The following MROH7 variants were observed in gnomAD, a reference collection of about 807,000 sequenced individuals.
MROH7 encodes the protein maestro heat like repeat family member 7, also known as maestro heat-like repeat-containing protein family member 7.
In MROH7, 113 loss-of-function variants were observed where a neutral mutation model predicts 129.2. The ratio of observed to expected loss-of-function variants is 0.87; its 90% CI spans 0.75 to 1.02. The LOEUF (loss-of-function observed/expected upper bound fraction) is 1.02. Among genes scored for constraint, MROH7 ranks in the 50% least tolerant of loss-of-function variants. MROH7 has a pLI of 0.00. For missense variants in MROH7, 1,601 were observed against 1,671.3 expected (o/e 0.96, Z 0.73); for synonymous variants, 655 against 667.9 (o/e 0.98, Z 0.30).
chr1:54,652,060 C>T (rs1170815132), intron 2 of MROH7, 77 bp downstream of exon 2: 2 of 152,514 alleles, frequency 1.3e-5, no homozygotes, highest in African/African-American at 4.8e-5. Flanking sequence ...CTGGGGAGTT[C>T]ATCCAGCAGT....
intron 22 of MROH7, among the ~76,000 whole-genome samples, chr1:54,707,605 T>G (rs543304461): frequency 1.1e-3 from 168 of 152,270 alleles, no homozygotes; most frequent in African/African-American, 3.8e-3. Flanking sequence ...GACATCTACT[T>G]CCTACGTGCT....
Position 54,701,222 on chromosome 1 carries a change from T to C in MROH7, c.3185T>C (p.Val1062Ala), listed in dbSNP as rs755736946. Residue 1062 changes from valine to alanine, a missense_variant, in exon 19 of 24, where the codon GTC (valine) becomes GCC (alanine). Physicochemically the swap from Val to Ala is moderately conservative, Grantham distance 64. Coordinates refer to ENST00000421030, the MANE Select transcript of MROH7 (RefSeq NM_001039464.4). ...NMDGMLVVEA[V>A]HNLKAVFKGR... ...GATGGGATGCTGGTGGTGGAAGCGG[T>C]CCACAACCTCAAGGCTGTCTTCAAG... 6.2e-7 allele frequency: 1 copy of C among 1,614,180 alleles called. No individual in the cohort carries two copies. Among genetic ancestry groups the C allele is most frequent in the Non-Finnish European group, 8.5e-7 (1 of 1,180,020 alleles).
At position 54,700,322 on chromosome 1, in the gene MROH7, T is replaced by A; in HGVS notation, c.2966T>A (p.Leu989His). 3 of 1,614,116 alleles carry A rather than the reference T, an allele frequency of 1.9e-6. No homozygotes were observed. The highest frequency in any genetic ancestry group is 2.5e-6 in the Non-Finnish European group (3 of 1,180,024). ...AGTAATGACCCTTTGCTCCCTCAGC[T>A]CCTCCAGATGGAGCAGGTGCGCCGG... ...RITATAFFVE[L>H]LQMEQVRRIP... Residue 989 changes from leucine to histidine, a missense_variant and splice_region_variant, in exon 18 of 24, where the codon CTC (leucine) becomes CAC (histidine). By Grantham distance (99) the Leu-to-His change is moderately conservative. Coordinates refer to ENST00000421030, the MANE Select transcript of MROH7 (RefSeq NM_001039464.4).
chr1:54,692,358 G>T (rs566800067), intron 15 of MROH7, 66 bp from the exon 16 acceptor site: 47 of 1,592,014 alleles, frequency 3.0e-5, no homozygotes, highest in Non-Finnish European at 3.9e-5. Context: ...AGAGGCCGGG[G>T]TGGAGGGAGG....
chr1:54,682,868 A>T, intron 14 of MROH7, 74 bp downstream of exon 14: 1 of 1,539,442 alleles, frequency 6.5e-7, no homozygotes, highest in Non-Finnish European at 8.7e-7. Context: ...TGCTGAGCTA[A>T]GCACACCCGG....
At chr1:54,707,048 G>A (rs1645545779) in intron 22 of MROH7, among the ~76,000 whole-genome samples, 1 of 152,306 alleles carries the variant, frequency 6.6e-6, no homozygotes, top group African/African-American at 2.4e-5. Context: ...AAAGGGGAGG[G>A]ATGGCACATA....
At chr1:54,704,885 C>T (rs1013202794) in intron 21 of MROH7, among the ~76,000 whole-genome samples, 5 of 143,408 alleles carry the variant, frequency 3.5e-5, no homozygotes, top group Admixed American at 7.5e-5. Context: ...TCGCAACCCT[C>T]GCCTCCCAGG....
In MROH7 at chr1:54,670,752, T is replaced by G. The variant is rs779475662; in HGVS notation, c.1470-48T>G. The stretch of plus-strand genomic sequence containing the variant: ...TCAGCTCAGCCCCCGTCTATAGCCA[T>G]AGGGCCCCTCTCTCACTCCATTTCT... On this transcript the variant is annotated intron_variant, in intron 6 of 23. Transcript: ENST00000421030. 2.6e-6 allele frequency: 4 copies of G among 1,523,694 alleles called. No homozygotes were observed. The East Asian group carries it at 8.0e-5, about 30-fold the overall frequency. The allele number at this position is 1,523,694 out of a possible 1,614,324, so 94.4% of individuals were successfully genotyped here. A position where few individuals can be genotyped will look rare whatever the true frequency, so the allele number is the denominator to read the frequency against.
intron 18 of MROH7, 133 bp downstream of exon 18, chr1:54,700,594 C>A: frequency 1.2e-6 from 1 of 826,084 alleles, no homozygotes; most frequent in East Asian, 2.7e-5. Context: ...CTCAGTTGTC[C>A]CATCTGTAAA....
At chr1:54,701,367 G>A (rs781530115) in intron 19 of MROH7, 45 bp downstream of exon 19, 12 of 1,479,036 alleles carry the variant, frequency 8.1e-6, no homozygotes, top group East Asian at 2.4e-5. Flanking sequence ...TCGAGAAGGG[G>A]GTCTTTTACT....
chr1:54,643,841 T>C (rs57676236), intron 1 of MROH7, among the ~76,000 whole-genome samples: 2 of 152,206 alleles, frequency 1.3e-5, no homozygotes, highest in African/African-American at 2.4e-5. Context: ...TATTATAGAA[T>C]GTGTGGTTGA....
At position 54,673,702 on chromosome 1, in the gene MROH7, C is replaced by T; in HGVS notation, c.1697C>T (p.Ala566Val). 1.2e-6 allele frequency: 2 copies of T among 1,612,712 alleles called. No homozygotes were observed. The highest frequency in any genetic ancestry group is 1.7e-6 in the Non-Finnish European group (2 of 1,178,708). ...TPAGLKSILE[A>V]LGPWMNSGKA... ...TGAGTCTTGCTTTTGATCCCACAGG[C>T]CCTGGGGCCTTGGATGAACTCTGGG... The change falls in exon 9 of 24, where the codon GCC (alanine) becomes GTC (valine). Residue 566 changes from alanine (A) to valine (V), a missense_variant and splice_region_variant. Physicochemically the swap from Ala to Val is moderately conservative, Grantham distance 64. Coordinates refer to ENST00000421030, the MANE Select transcript of MROH7 (RefSeq NM_001039464.4).
intron 3 of MROH7, among the ~76,000 whole-genome samples, chr1:54,655,165 C>T (rs962398607): frequency 6.6e-6 from 1 of 151,900 alleles, no homozygotes; most frequent in Non-Finnish European, 1.5e-5. Context: ...CAGGCGCCCA[C>T]CACCACGCCC....
intron 23 of MROH7, among the ~76,000 whole-genome samples, chr1:54,709,584 A>G (rs1036025738): frequency 2.0e-5 from 3 of 152,150 alleles, no homozygotes; most frequent in Non-Finnish European, 4.4e-5. Flanking sequence ...AAGAGACAGA[A>G]CACACAGCCC....
chr1:54,680,288 C>T (rs1645048968), intron 13 of MROH7, among the ~76,000 whole-genome samples: 1 of 152,190 alleles, frequency 6.6e-6, no homozygotes, highest in African/African-American at 2.4e-5. Flanking sequence ...GAAACCAAGG[C>T]TTAGGGAAGT....
chr1:54,661,920 T>C (rs1159083113), intron 3 of MROH7, among the ~76,000 whole-genome samples: 1 of 151,972 alleles, frequency 6.6e-6, no homozygotes, highest in African/African-American at 2.4e-5. Flanking sequence ...TAAATGATTT[T>C]AAAAAACCAA....
chr1:54,677,459 T>C (rs559056876), intron 10 of MROH7, among the ~76,000 whole-genome samples: 2 of 151,720 alleles, frequency 1.3e-5, no homozygotes, highest in Admixed American at 1.3e-4. Flanking sequence ...AAACCCGAAG[T>C]GTGGGGACTA....
At chr1:54,661,103 G>C (rs1316959265) in intron 3 of MROH7, among the ~76,000 whole-genome samples, 2 of 151,230 alleles carry the variant, frequency 1.3e-5, no homozygotes, top group Non-Finnish European at 2.9e-5. Context: ...TGGTTTGTGG[G>C]AATTCTTTAT....
intron 19 of MROH7, among the ~76,000 whole-genome samples, chr1:54,701,876 T>A (rs1645441762): frequency 6.6e-6 from 1 of 152,110 alleles, no homozygotes; most frequent in Non-Finnish European, 1.5e-5. Flanking sequence ...TGGCCAGTTT[T>A]TTTTTTTTCT....
Sources: allele counts gnomAD v4.1 joint callset (sites outside exome capture counted in the v4.1 genomes callset), GRCh38; gene constraint gnomAD v4.1.1; transcripts MANE v1.5; gene names NCBI Gene and HGNC (gene_info 2026-07-23, HGNC 2026-07-21).